Variants in S100A8 observed in about 807,000 individuals in gnomAD.
The protein encoded by S100A8 is S100 calcium binding protein A8.
S100A8 carries 1 observed loss-of-function variant against 4.2 expected under a neutral mutation model. The observed-to-expected ratio is 0.24, with a 90% CI of 0.08 to 1.12. The LOEUF is 1.12. Ranked by LOEUF, S100A8 falls within the 50% of genes most tolerant of loss-of-function variation. S100A8 has a pLI of 0.53. For missense variants in S100A8, 96 were observed against 111.8 expected (o/e 0.86, Z 0.64); for synonymous variants, 41 against 44.7 (o/e 0.92, Z 0.33).
chr1:153,419,027 C>A, the S100A8 span: 2 of 1,102,800 alleles, frequency 1.8e-6, no homozygotes, highest in Non-Finnish European at 1.3e-6. Context: ...CTCAGCCCCA[C>A]GACCATGCCT....
upstream of S100A8, among the ~76,000 whole-genome samples, chr1:153,393,004 T>G (rs574745878): frequency 1.2e-4 from 18 of 152,314 alleles, no homozygotes; most frequent in Non-Finnish European, 2.1e-4. Flanking sequence ...CATTTAATTC[T>G]CACACTAATC....
At chr1:153,395,518 G>A (rs867643598), upstream of S100A8, among the ~76,000 whole-genome samples, 6 of 152,004 alleles carry the variant, frequency 3.9e-5, no homozygotes, top group South Asian at 2.1e-4. Context: ...CCTCCCTTCC[G>A]TCCCCATGAA....
At chr1:153,405,158 G>A in the S100A8 span, among the ~76,000 whole-genome samples, 301 of 151,882 alleles carry the variant, frequency 2.0e-3, 9 homozygotes, top group East Asian at 0.045. Flanking sequence ...AAAATTGGGC[G>A]AGATGAGGAA....
the S100A8 span, chr1:153,422,468 T>C: frequency 1.0e-6 from 1 of 961,058 alleles, no homozygotes; most frequent in Non-Finnish European, 1.2e-6. Flanking sequence ...CTGGACATTA[T>C]ATTGGTACTA....
the S100A8 span, among the ~76,000 whole-genome samples, chr1:153,417,533 C>T: frequency 2.6e-5 from 4 of 152,202 alleles, no homozygotes; most frequent in Admixed American, 6.5e-5. Flanking sequence ...CACATGTGCA[C>T]CTGGAGCCTG....
chr1:153,413,589 A>T, the S100A8 span, among the ~76,000 whole-genome samples: 1 of 152,292 alleles, frequency 6.6e-6, no homozygotes, highest in East Asian at 1.9e-4. Flanking sequence ...ATTCAATATT[A>T]TGTTCTTGTG....
At chr1:153,397,554 G>T in the S100A8 span, among the ~76,000 whole-genome samples, 1 of 152,212 alleles carries the variant, frequency 6.6e-6, no homozygotes, top group Non-Finnish European at 1.5e-5. Context: ...CCAGAGCACA[G>T]CACGGGGACA....
At chr1:153,421,108 C>G in the S100A8 span, 1 of 152,202 alleles carries the variant, frequency 6.6e-6, no homozygotes, top group East Asian at 1.9e-4. Flanking sequence ...GCAACATACC[C>G]CCCATCAATA....
chr1:153,413,831 G>A, the S100A8 span, among the ~76,000 whole-genome samples: 1 of 152,090 alleles, frequency 6.6e-6, no homozygotes, highest in Non-Finnish European at 1.5e-5. Context: ...AACCTAGGAG[G>A]AGGAGATTGC....
upstream of S100A8, among the ~76,000 whole-genome samples, chr1:153,391,935 T>C (rs1406883199): frequency 6.6e-6 from 1 of 152,186 alleles, no homozygotes; most frequent in Non-Finnish European, 1.5e-5. Flanking sequence ...ACGCGCTTCA[T>C]GCCTAAGAGG....
At chr1:153,416,147 G>C in the S100A8 span, among the ~76,000 whole-genome samples, 1,769 of 152,338 alleles carry the variant, frequency 0.012, 39 homozygotes, top group African/African-American at 0.04. Context: ...CACAACAAAT[G>C]TGTGGAAGTA....
chr1:153,421,494 A>C, the S100A8 span: 2 of 152,218 alleles, frequency 1.3e-5, no homozygotes, highest in Non-Finnish European at 2.9e-5. Flanking sequence ...TTTCAATATA[A>C]AATGTATTTG....
the S100A8 span, chr1:153,417,854 C>G: frequency 3.7e-6 from 2 of 542,932 alleles, no homozygotes; most frequent in South Asian, 2.4e-5. Context: ...ACCTGCATCT[C>G]TTCTTGGCCC....
the S100A8 span, among the ~76,000 whole-genome samples, chr1:153,414,462 ATC>A: frequency 3.7e-4 from 57 of 152,346 alleles, 1 homozygote; most frequent in East Asian, 0.011. Flanking sequence ...CTTAACAGAC[ATC>A]TCATCAAAGA....
chr1:153,411,393 GAA>G, the S100A8 span, among the ~76,000 whole-genome samples: 1 of 152,132 alleles, frequency 6.6e-6, no homozygotes, highest in Non-Finnish European at 1.5e-5. Context: ...GCTTCAAAGA[GAA>G]TAAAATACCT....
the S100A8 span, among the ~76,000 whole-genome samples, chr1:153,399,756 G>A: frequency 2.6e-5 from 4 of 152,164 alleles, no homozygotes; most frequent in Non-Finnish European, 2.9e-5. Flanking sequence ...GGGGAGTTGG[G>A]GGGGACTTCC....
At chr1:153,402,880 G>A in the S100A8 span, among the ~76,000 whole-genome samples, 30 of 152,234 alleles carry the variant, frequency 2.0e-4, no homozygotes, top group Middle Eastern at 0.01. Flanking sequence ...TAACAGCTCC[G>A]GTAACTAAGA....
At chr1:153,410,868 A>C in the S100A8 span, among the ~76,000 whole-genome samples, 1 of 152,204 alleles carries the variant, frequency 6.6e-6, no homozygotes, top group African/African-American at 2.4e-5. Context: ...AACAGAACCA[A>C]AGATAAAATC....
the S100A8 span, among the ~76,000 whole-genome samples, chr1:153,404,993 C>T: frequency 7.0e-4 from 106 of 152,104 alleles, no homozygotes; most frequent in Non-Finnish European, 1.2e-3. Flanking sequence ...TTGTCCTGGG[C>T]CTCTGACTGG....
Sources: allele counts gnomAD v4.1 joint callset (sites outside exome capture counted in the v4.1 genomes callset), GRCh38; gene constraint gnomAD v4.1.1; transcripts MANE v1.5; gene names NCBI Gene and HGNC (gene_info 2026-07-23, HGNC 2026-07-21).